Variants in ENAH observed in about 807,000 individuals in gnomAD.
The protein encoded by ENAH is protein enabled homolog.
In ENAH, 23 loss-of-function variants were observed where a neutral mutation model predicts 78.7. That is an observed-to-expected ratio of 0.29 (90% confidence interval 0.21 to 0.41). The LOEUF (loss-of-function observed/expected upper bound fraction) is 0.41. ENAH is among the 10% of genes least tolerant of loss of function. The pLI is 1.00. For synonymous variants in ENAH, 226 were observed against 241.0 expected (o/e 0.94, Z 0.58); for missense variants, 544 against 691.0 (o/e 0.79, Z 2.39).
intron 1 of ENAH, among the ~76,000 whole-genome samples, chr1:225,572,491 G>C (rs1189533821): frequency 3.3e-5 from 5 of 152,158 alleles, no homozygotes; most frequent in Non-Finnish European, 7.4e-5. Flanking sequence ...GAGCTTTCTA[G>C]ACAATTCCCT....
intron 1 of ENAH, among the ~76,000 whole-genome samples, chr1:225,616,584 T>A (rs1014660157): frequency 3.9e-5 from 6 of 152,042 alleles, no homozygotes; most frequent in Admixed American, 2.6e-4. Context: ...TATAATTATA[T>A]ATTGCATCTA....
At chr1:225,566,967 T>C (rs2096738011) in intron 2 of ENAH, among the ~76,000 whole-genome samples, 1 of 152,248 alleles carries the variant, frequency 6.6e-6, no homozygotes, top group Non-Finnish European at 1.5e-5. Context: ...TGTTTGTCCT[T>C]AATTTGCTTT....
rs914424061 is a variant in ENAH, at chr1:225,495,360, G to A, written c.*2415C>T. The A allele has an allele frequency of 6.6e-6, 1 of 151,408 alleles. No individual in the cohort carries two copies. The highest frequency in any genetic ancestry group is 2.4e-5 in the African/African-American group (1 of 41,072). The allele number at this position is 151,408 out of a possible 1,614,324, so 9.4% of individuals were successfully genotyped here. A position where few individuals can be genotyped will look rare whatever the true frequency, so the allele number is the denominator to read the frequency against. On this transcript the variant is annotated 3_prime_UTR_variant, in exon 14 of 14. Transcript: ENST00000366843. ...TCTCTAATAATGACACAACTGTCAT[G>A]TATGATAGCAAATGTATATAATAAT... is the stretch of plus-strand genomic sequence containing the variant.
intron 1 of ENAH, among the ~76,000 whole-genome samples, chr1:225,636,219 A>G (rs927898748): frequency 1.3e-5 from 2 of 152,218 alleles, no homozygotes; most frequent in African/African-American, 4.8e-5. Flanking sequence ...AAATTTATGT[A>G]AAGTTTTTGT....
intron 11 of ENAH, among the ~76,000 whole-genome samples, chr1:225,506,949 A>G (rs541548673): frequency 6.6e-6 from 1 of 152,346 alleles, no homozygotes; most frequent in South Asian, 2.1e-4. Flanking sequence ...AATAGCTCAG[A>G]AAGAAAAGAC....
At chr1:225,537,282 T>C (rs1256501730) in intron 3 of ENAH, among the ~76,000 whole-genome samples, 1 of 152,182 alleles carries the variant, frequency 6.6e-6, no homozygotes, top group African/African-American at 2.4e-5. Flanking sequence ...TAAACCATTA[T>C]TGCTGCGTAA....
At chr1:225,589,164 G>A (rs1157502764) in intron 1 of ENAH, among the ~76,000 whole-genome samples, 1 of 152,154 alleles carries the variant, frequency 6.6e-6, no homozygotes, top group Non-Finnish European at 1.5e-5. Flanking sequence ...GCAAAGCGAG[G>A]AGTGACATGG....
At chr1:225,631,089 C>T (rs1658932700) in intron 1 of ENAH, among the ~76,000 whole-genome samples, 1 of 152,150 alleles carries the variant, frequency 6.6e-6, no homozygotes, top group South Asian at 2.1e-4. Flanking sequence ...TAGCCCCAAA[C>T]CACTTCTCTC....
intron 1 of ENAH, among the ~76,000 whole-genome samples, chr1:225,569,052 G>A (rs1391594765): frequency 1.3e-5 from 2 of 152,200 alleles, no homozygotes; most frequent in Non-Finnish European, 2.9e-5. Context: ...AAGGGCATGT[G>A]TCAGTAGCAG....
At chr1:225,562,389 G>A (rs1354729633) in intron 2 of ENAH, among the ~76,000 whole-genome samples, 5 of 151,548 alleles carry the variant, frequency 3.3e-5, no homozygotes. Context: ...TGGCTAACAT[G>A]GTGAAACCCC....
At chr1:225,618,338 A>G (rs563252540) in intron 1 of ENAH, among the ~76,000 whole-genome samples, 1 of 152,342 alleles carries the variant, frequency 6.6e-6, no homozygotes, top group South Asian at 2.1e-4. Context: ...ATATCCTGCC[A>G]GCAGCTCTTT....
chr1:225,628,489 T>C (rs1558932607), intron 1 of ENAH, among the ~76,000 whole-genome samples: 1 of 152,168 alleles, frequency 6.6e-6, no homozygotes, highest in Admixed American at 6.5e-5. Flanking sequence ...ATGCAACTAA[T>C]AAAATTCTAA....
At chr1:225,525,687 C>T (rs984418665) in intron 4 of ENAH, among the ~76,000 whole-genome samples, 6 of 152,162 alleles carry the variant, frequency 3.9e-5, no homozygotes, top group African/African-American at 1.4e-4. Context: ...TCTTGCTTTA[C>T]TCCCTCATCT....
rs757821016 is a variant in ENAH, at chr1:225,567,430, T to G, written c.6-16A>C. 9 of 1,595,232 alleles carry G rather than the reference T, an allele frequency of 5.6e-6. No individual in the cohort carries two copies. In the East Asian group the frequency reaches 2.0e-4, roughly 36 times the overall value. On this transcript the variant is annotated splice_polypyrimidine_tract_variant and intron_variant, in intron 1 of 13. Transcript: ENST00000366843. ...ACTCTGTTCACTGTAAAAAATAAAA[T>G]AAAATATTCAAACTTGCAATATTTA...
Position 225,496,531 on chromosome 1 carries a change from T to C in ENAH, c.*1244A>G, listed in dbSNP as rs915871472. The C allele has an allele frequency of 9.8e-5, 15 of 152,566 alleles. No homozygotes were observed. Among genetic ancestry groups the C allele is most frequent in the Non-Finnish European group, 1.5e-4 (10 of 68,034 alleles). The allele number at this position is 152,566 out of a possible 1,614,324, so 9.5% of individuals were successfully genotyped here. On this transcript the variant is annotated 3_prime_UTR_variant, in exon 14 of 14. Coordinates refer to ENST00000366843, the MANE Select transcript of ENAH (RefSeq NM_018212.6). ...CTAAACACCTGTGTAACAGCGGGGG[T>C]ACCTAGGTAATAATAACTGCCAAAT...
At chr1:225,620,317 G>A (rs1313423820) in intron 1 of ENAH, among the ~76,000 whole-genome samples, 1 of 151,732 alleles carries the variant, frequency 6.6e-6, no homozygotes, top group Non-Finnish European at 1.5e-5. Context: ...CACAAGGTCA[G>A]GAGATTGAGA....
intron 1 of ENAH, among the ~76,000 whole-genome samples, chr1:225,641,019 A>G (rs1383377536): frequency 1.3e-5 from 2 of 149,270 alleles, no homozygotes; most frequent in African/African-American, 4.9e-5. Flanking sequence ...GCCCGCCACC[A>G]CGCCTGACTA....
intron 1 of ENAH, among the ~76,000 whole-genome samples, chr1:225,619,807 T>C (rs1656472234): frequency 6.6e-6 from 1 of 152,124 alleles, no homozygotes; most frequent in Non-Finnish European, 1.5e-5. Context: ...ACATCAAATG[T>C]CTGGTGATAC....
intron 1 of ENAH, among the ~76,000 whole-genome samples, chr1:225,647,676 C>CCAA (rs546915695): frequency 1.1e-4 from 17 of 152,170 alleles, no homozygotes; most frequent in Non-Finnish European, 2.1e-4. Flanking sequence ...TTAGTATCCA[C>CCAA]CAAATACTAC....
Sources: gnomAD v4.1 joint callset for allele counts (sites outside exome capture counted in the v4.1 genomes callset) on GRCh38, gnomAD v4.1.1 for gene constraint, MANE v1.5 for transcripts, NCBI Gene and HGNC (gene_info 2026-07-23, HGNC 2026-07-21) for gene names.